ITGA1: variants seen among roughly 807,000 people sequenced by gnomAD.
The protein encoded by ITGA1 is integrin alpha-1.
A neutral mutation model predicts 145.9 loss-of-function variants in ITGA1; 85 were observed. The ratio of observed to expected loss-of-function variants is 0.58; its 90% CI spans 0.49 to 0.70. ITGA1 has a LOEUF of 0.70. Among genes scored for constraint, ITGA1 ranks in the 30% least tolerant of loss-of-function variants. ITGA1 has a pLI of 0.00. For synonymous variants in ITGA1, 520 were observed against 495.3 expected (o/e 1.05, Z -0.66); for missense variants, 1,351 against 1,418.7 (o/e 0.95, Z 0.77).
chr5:52,813,756 A>C (rs549570263), intron 1 of ITGA1, among the ~76,000 whole-genome samples: 1 of 152,356 alleles, frequency 6.6e-6, no homozygotes, highest in East Asian at 1.9e-4. Context: ...CTATATGCCT[A>C]CATCTCCTCC....
chr5:52,906,514 T>C lies in ITGA1; in HGVS notation c.1455+606T>C, dbSNP rs892793326. The stretch of plus-strand genomic sequence containing the variant: ...ATACATGAAATAACATTTACATATG[T>C]ATATATAAAAACTGAAAGAAACATC... On this transcript the variant is annotated intron_variant, in intron 12 of 28. Coordinates refer to ENST00000282588, the MANE Select transcript of ITGA1 (RefSeq NM_181501.2). Among the ~76,000 whole-genome samples, 3 of 152,334 alleles carry C rather than the reference T, an allele frequency of 2.0e-5. No individual in the cohort carries two copies. The East Asian group carries it at 5.8e-4, about 29-fold the overall frequency.
At chr5:52,800,167 C>G (rs532589392) in intron 1 of ITGA1, 5 of 570,842 alleles carry the variant, frequency 8.8e-6, no homozygotes, top group East Asian at 6.0e-5. Context: ...CAGTGTTCCC[C>G]GAGCCTGTTA....
Position 52,920,344 on chromosome 5 carries a change from G to T in ITGA1, c.2168G>T (p.Arg723Leu). 1 of 1,594,252 alleles carries T rather than the reference G, an allele frequency of 6.3e-7. No homozygotes were observed. Among genetic ancestry groups the T allele is most frequent in the Non-Finnish European group, 8.5e-7 (1 of 1,172,120 alleles). ...DTIYEADLQYRVTLDSLRQIS... is the reference protein window; with the variant it reads ...DTIYEADLQYLVTLDSLRQIS... ...AAAATTTTTGTAGATTTGCAGTACC[G>T]TGTCACCCTAGATTCACTAAGACAA... The change falls in exon 17 of 29, where the codon CGT becomes CTT. Residue 723 changes from arginine (R) to leucine (L), a missense_variant. Arg to Leu is a moderately radical substitution (Grantham distance 102, BLOSUM62 -2). Coordinates refer to ENST00000282588, the MANE Select transcript of ITGA1 (RefSeq NM_181501.2).
chr5:52,788,169 T>G lies in ITGA1; in HGVS notation c.-185T>G. 6.3e-6 allele frequency: 3 copies of G among 475,876 alleles called. No homozygotes were observed. The highest frequency in any genetic ancestry group is 1.1e-5 in the Non-Finnish European group (3 of 268,460). The allele number at this position is 475,876 out of a possible 1,614,324, so 29.5% of individuals were successfully genotyped here. On this transcript the variant is annotated 5_prime_UTR_variant, in exon 1 of 29. Transcript: ENST00000282588. Reference sequence around the variant, plus strand: ...TGGGATGTGAAAAGCGTGGAGCGCATTTAGAGGAATTCGACGAAAACACAG... The same window carrying G: ...TGGGATGTGAAAAGCGTGGAGCGCAGTTAGAGGAATTCGACGAAAACACAG...
intron 18 of ITGA1, 22 bp downstream of exon 18, chr5:52,922,909 T>G: frequency 7.4e-7 from 1 of 1,344,652 alleles, no homozygotes; most frequent in African/African-American, 1.4e-5. Context: ...TTCTTTAAAA[T>G]ACAAAATACC....
chr5:52,841,368 A>G (rs148784075), intron 1 of ITGA1, among the ~76,000 whole-genome samples: 81 of 152,306 alleles, frequency 5.3e-4, no homozygotes, highest in African/African-American at 1.8e-3. Context: ...AGGCCCTATA[A>G]TTATTTGTCA....
Position 52,800,722 on chromosome 5 carries a change from T to G in ITGA1, c.61+12308T>G, listed in dbSNP as rs1748457708. ...CATCGAGCTGGAGCCCAACCGCCAG[T>G]TCACCCTGGCCAAGAAGCAGTGGGA... On this transcript the variant is annotated intron_variant, in intron 1 of 28. Coordinates refer to ENST00000282588, the MANE Select transcript of ITGA1 (RefSeq NM_181501.2). 1.9e-6 allele frequency: 3 copies of G among 1,614,050 alleles called. No homozygotes were observed. The African/African-American group carries it at 4.0e-5, about 22-fold the overall frequency.
At chr5:52,857,096 T>C (rs1041511120) in intron 2 of ITGA1, among the ~76,000 whole-genome samples, 1 of 152,230 alleles carries the variant, frequency 6.6e-6, no homozygotes, top group Admixed American at 6.5e-5. Context: ...TAGTATCATT[T>C]GTGCTGCATT....
In ITGA1 at chr5:52,861,472, G is replaced by A; in HGVS notation, c.208G>A (p.Gly70Ser). ...KWVLIGSPLV[G>S]QPKNRTGDVY... Reference sequence around the variant, plus strand: ...GGTGCTTATTGGTTCTCCGTTAGTTGGCCAACCCAAAAACAGAACTGGAGA... The same window carrying A: ...GGTGCTTATTGGTTCTCCGTTAGTTAGCCAACCCAAAAACAGAACTGGAGA... The change falls in exon 3 of 29, where the codon GGC becomes AGC. Residue 70 changes from glycine to serine, a missense_variant. By Grantham distance (56) the Gly-to-Ser change is moderately conservative (BLOSUM62 0). Coordinates refer to ENST00000282588, the MANE Select transcript of ITGA1 (RefSeq NM_181501.2). The A allele has an allele frequency of 1.2e-6, 2 of 1,613,308 alleles. No individual in the cohort carries two copies. The highest frequency in any genetic ancestry group is 1.7e-6 in the Non-Finnish European group (2 of 1,179,498).
intron 6 of ITGA1, among the ~76,000 whole-genome samples, chr5:52,875,146 G>C (rs1451552126): frequency 6.6e-6 from 1 of 152,130 alleles, no homozygotes; most frequent in African/African-American, 2.4e-5. Flanking sequence ...AGTGATAGGA[G>C]AAAGGTAGAG....
intron 11 of ITGA1, chr5:52,904,697 C>CA (rs1750369464): frequency 6.6e-6 from 1 of 151,916 alleles, no homozygotes; most frequent in Non-Finnish European, 1.5e-5. Flanking sequence ...ACTAAAAATA[C>CA]AAAAAATTAG....
intron 1 of ITGA1, among the ~76,000 whole-genome samples, chr5:52,845,930 C>T (rs2111745391): frequency 6.6e-6 from 1 of 152,290 alleles, no homozygotes; most frequent in South Asian, 2.1e-4. Context: ...TCACCTAGCA[C>T]TAGGGATGTG....
intron 1 of ITGA1, among the ~76,000 whole-genome samples, chr5:52,796,383 G>A (rs1454089822): frequency 1.3e-5 from 2 of 151,812 alleles, no homozygotes; most frequent in African/African-American, 4.8e-5. Flanking sequence ...TAAAGTTACT[G>A]ATATAAAGAT....
At chr5:52,865,850 C>T (rs1749679172) in intron 6 of ITGA1, 33 bp downstream of exon 6, 4 of 1,519,240 alleles carry the variant, frequency 2.6e-6, no homozygotes, top group Non-Finnish European at 2.6e-6. Flanking sequence ...TTCTGTTGTT[C>T]TAAAGATAAA....
intron 1 of ITGA1, among the ~76,000 whole-genome samples, chr5:52,844,008 C>T (rs1470664984): frequency 6.6e-6 from 1 of 152,124 alleles, no homozygotes; most frequent in Non-Finnish European, 1.5e-5. Flanking sequence ...TAGGTTGCTT[C>T]TCCCTCTTTC....
chr5:52,835,478 C>T (rs1163170586), intron 1 of ITGA1, among the ~76,000 whole-genome samples: 1 of 152,036 alleles, frequency 6.6e-6, no homozygotes, highest in Non-Finnish European at 1.5e-5. Context: ...AGCAGAAGTT[C>T]GATTGAGAAT....
chr5:52,940,986 G>A (rs1259450527), intron 26 of ITGA1, among the ~76,000 whole-genome samples: 1 of 152,074 alleles, frequency 6.6e-6, no homozygotes, highest in African/African-American at 2.4e-5. Context: ...TTATATCCAT[G>A]AGTACCCAAG....
chr5:52,951,549 A>G (rs1384624707), intron 28 of ITGA1, among the ~76,000 whole-genome samples: 1 of 152,178 alleles, frequency 6.6e-6, no homozygotes, highest in Non-Finnish European at 1.5e-5. Flanking sequence ...TTTTATTTCC[A>G]AATGATATAG....
At chr5:52,942,348 T>C (rs927340769) in intron 26 of ITGA1, among the ~76,000 whole-genome samples, 2 of 152,180 alleles carry the variant, frequency 1.3e-5, no homozygotes, top group African/African-American at 4.8e-5. Flanking sequence ...CAGTGTTAAA[T>C]CTATACATTG....
Sources: allele counts gnomAD v4.1 joint callset (sites outside exome capture counted in the v4.1 genomes callset), GRCh38; gene constraint gnomAD v4.1.1; transcripts MANE v1.5; gene names NCBI Gene and HGNC (gene_info 2026-07-23, HGNC 2026-07-21).